Variants in HSD17B2 observed in about 807,000 individuals in gnomAD.
HSD17B2 encodes the protein 17-beta-hydroxysteroid dehydrogenase type 2.
In HSD17B2, 32 loss-of-function variants were observed where a neutral mutation model predicts 26.9. The ratio of observed to expected loss-of-function variants is 1.19; its 90% CI spans 0.90 to 1.60. The LOEUF is 1.60. Ranked by LOEUF, HSD17B2 falls within the 40% of genes most tolerant of loss-of-function variation. The pLI is 0.00. For missense variants in HSD17B2, 613 were observed against 468.6 expected, an observed-to-expected ratio of 1.31 and a Z score of -2.85; for synonymous variants, 246 against 186.7, an observed-to-expected ratio of 1.32 and a Z score of -2.59.
intron 1 of HSD17B2, among the ~76,000 whole-genome samples, chr16:82,054,645 C>T (rs1162418710): frequency 6.6e-6 from 1 of 152,168 alleles, no homozygotes; most frequent in Non-Finnish European, 1.5e-5. Flanking sequence ...GGGCTCAGCC[C>T]TGCCCTATTC....
intron 1 of HSD17B2, among the ~76,000 whole-genome samples, chr16:82,059,869 G>C (rs8191107): frequency 1.3e-5 from 2 of 152,048 alleles, no homozygotes; most frequent in Non-Finnish European, 1.5e-5. Context: ...AAGAATATGG[G>C]AGAATTCTTC....
intron 1 of HSD17B2, among the ~76,000 whole-genome samples, chr16:82,060,812 G>A (rs919615897): frequency 4.6e-5 from 7 of 152,172 alleles, no homozygotes; most frequent in Admixed American, 2.0e-4. Context: ...GGGCAAGGAC[G>A]CATAAAGCAG....
At position 82,090,995 on chromosome 16, in the gene HSD17B2, G is replaced by A. The variant is rs543111518; in HGVS notation, c.758G>A (p.Trp253Ter). The part of the protein sequence containing the change: ...SSVMRLELSK[W>*]GIKVASIQPG... ...GTTATGAGACTGGAGCTTTCCAAGT[G>A]GGGAATTAAAGTTGCTTCCATCCAA... is the stretch of plus-strand genomic sequence containing the variant. Residue 253 changes from tryptophan to a stop codon, truncating the protein, a stop_gained, in exon 4 of 5, where the codon TGG becomes TAG. Coordinates refer to ENST00000199936, the MANE Select transcript of HSD17B2 (RefSeq NM_002153.3). LOFTEE classifies it low-confidence loss of function (END_TRUNC). 4 of 1,613,994 alleles carry A rather than the reference G, an allele frequency of 2.5e-6. No individual in the cohort carries two copies. The highest frequency in any genetic ancestry group is 4.5e-5 in the East Asian group (2 of 44,874).
At chr16:82,069,879 G>C (rs1342250686) in intron 2 of HSD17B2, among the ~76,000 whole-genome samples, 1 of 152,112 alleles carries the variant, frequency 6.6e-6, no homozygotes, top group Non-Finnish European at 1.5e-5. Flanking sequence ...GAAGCACCAG[G>C]CCCTGTGTGA....
rs1485716675 is a variant in HSD17B2, at chr16:82,035,293, G to A, written c.-132G>A. The A allele has an allele frequency of 1.3e-5, 10 of 761,996 alleles. No homozygotes were observed. Among genetic ancestry groups the A allele is most frequent in the African/African-American group, 3.5e-5 (2 of 57,412 alleles). 47.2% of individuals were successfully genotyped at this position (761,996 alleles called of 1,614,324 possible). ...GATTATGCTTAATCTATGCTCAGTT[G>A]AAAGGGGCTGGGGCTGCTTTCTCCC... On this transcript the variant is annotated 5_prime_UTR_variant, in exon 1 of 5. An upstream open reading frame in the 5' UTR loses its in-frame stop. Coordinates refer to ENST00000199936, the MANE Select transcript of HSD17B2 (RefSeq NM_002153.3).
chr16:82,055,609 G>C (rs1408006420), intron 1 of HSD17B2, among the ~76,000 whole-genome samples: 1 of 152,120 alleles, frequency 6.6e-6, no homozygotes, highest in Non-Finnish European at 1.5e-5. Flanking sequence ...CCTAAGGTTG[G>C]GAAATGTAGA....
chr16:82,080,053 G>C (rs1306026621), intron 3 of HSD17B2, among the ~76,000 whole-genome samples: 6 of 152,154 alleles, frequency 3.9e-5, no homozygotes, highest in African/African-American at 1.4e-4. Context: ...TGAGTGACAA[G>C]AATTTTGGTG....
At chr16:82,061,475 G>A (rs1295537362) in intron 1 of HSD17B2, among the ~76,000 whole-genome samples, 1 of 152,096 alleles carries the variant, frequency 6.6e-6, no homozygotes, top group African/African-American at 2.4e-5. Flanking sequence ...TGACAGAGCT[G>A]GGATTTGAAC....
Position 82,090,907 on chromosome 16 carries a change from G to T in HSD17B2, c.670G>T (p.Ala224Ser), listed in dbSNP as rs1260466945. 14 of 1,610,998 alleles carry T rather than the reference G, an allele frequency of 8.7e-6. No homozygotes were observed. The highest frequency in any genetic ancestry group is 1.7e-5 in the Admixed American group (1 of 59,486). Reference sequence around the variant, plus strand: ...TTCTCCCATTATTCCCATAGGAGGGGCCCCAATGGAAAGGCTGGCATCTTA... The same window carrying T: ...TTCTCCCATTATTCCCATAGGAGGGTCCCCAATGGAAAGGCTGGCATCTTA... ...LVNVSSMGGG[A>S]PMERLASYGS... Residue 224 changes from alanine (A) to serine (S), a missense_variant, in exon 4 of 5, where the codon GCC (alanine) becomes TCC (serine). Transcript: ENST00000199936.
At chr16:82,036,872 T>A (rs1913639939) in intron 1 of HSD17B2, among the ~76,000 whole-genome samples, 1 of 152,198 alleles carries the variant, frequency 6.6e-6, no homozygotes, top group South Asian at 2.1e-4. Flanking sequence ...AAATGGCTTA[T>A]CGGTGAAATT....
At chr16:82,092,363 T>G (rs1198414592) in intron 4 of HSD17B2, 1 of 152,186 alleles carries the variant, frequency 6.6e-6, no homozygotes, top group East Asian at 1.9e-4. Context: ...AGGCTCAGTC[T>G]TCAGTTCTGG....
chr16:82,082,071 T>C (rs1167270004), intron 3 of HSD17B2, among the ~76,000 whole-genome samples: 1 of 152,188 alleles, frequency 6.6e-6, no homozygotes, highest in Non-Finnish European at 1.5e-5. Context: ...CCTTTTTCCC[T>C]GAGCTCCTTC....
In HSD17B2 at chr16:82,042,123, C is replaced by T. The variant is rs1567576458; in HGVS notation, c.265+6434C>T. Reference sequence around the variant, plus strand: ...GTTCAAGCAATTCTCCTTGCCTCAGCCTCCCGAGTAGCTGGGATTACAGGG... The same window carrying T: ...GTTCAAGCAATTCTCCTTGCCTCAGTCTCCCGAGTAGCTGGGATTACAGGG... On this transcript the variant is annotated intron_variant, in intron 1 of 4. Transcript: ENST00000199936. Among the ~76,000 whole-genome samples the T allele has an allele frequency of 2.6e-5, 4 of 152,194 alleles. No homozygotes were observed. In the South Asian group the frequency reaches 6.2e-4, roughly 24 times the overall value.
chr16:82,043,830 A>ACCC (rs1913837421), intron 1 of HSD17B2, among the ~76,000 whole-genome samples: 6 of 151,858 alleles, frequency 4.0e-5, no homozygotes, highest in Admixed American at 3.3e-4. Flanking sequence ...CAGGGAGTTG[A>ACCC]CCCCCTATTG....
At chr16:82,077,490 C>T (rs570107779) in intron 3 of HSD17B2, among the ~76,000 whole-genome samples, 45 of 152,208 alleles carry the variant, frequency 3.0e-4, no homozygotes, top group African/African-American at 1.0e-3. Flanking sequence ...TCCCAGCACA[C>T]AGGGAGGTCA....
Position 82,035,611 on chromosome 16 carries a change from G to A in HSD17B2, c.187G>A (p.Val63Met). The change falls in exon 1 of 5, where the codon GTG becomes ATG. Residue 63 changes from valine (V) to methionine (M), a missense_variant. Val to Met is a conservative substitution (Grantham distance 21, BLOSUM62 1). Coordinates refer to ENST00000199936, the MANE Select transcript of HSD17B2 (RefSeq NM_002153.3). ...SPFWGLILFS[V>M]SCFLMYTYLS... ...TTTTTGGGGCTTGATCCTCTTCTCGGTGTCATGCTTCCTCATGTATACTTA... is the reference window on the plus strand; with the variant it reads ...TTTTTGGGGCTTGATCCTCTTCTCGATGTCATGCTTCCTCATGTATACTTA... 6.2e-7 allele frequency: 1 copy of A among 1,613,922 alleles called. No homozygotes were observed.
At chr16:82,072,987 G>C (rs1175575066) in intron 3 of HSD17B2, among the ~76,000 whole-genome samples, 1 of 152,128 alleles carries the variant, frequency 6.6e-6, no homozygotes, top group Non-Finnish European at 1.5e-5. Context: ...GTTGAGCCTG[G>C]GAGGTTAAGA....
intron 2 of HSD17B2, among the ~76,000 whole-genome samples, chr16:82,070,088 A>G (rs890795389): frequency 6.6e-6 from 1 of 152,164 alleles, no homozygotes; most frequent in Non-Finnish European, 1.5e-5. Flanking sequence ...TCTATCAGAC[A>G]TCTTCCCTTA....
At chr16:82,057,163 A>C (rs1472742131) in intron 1 of HSD17B2, among the ~76,000 whole-genome samples, 1 of 152,108 alleles carries the variant, frequency 6.6e-6, no homozygotes, top group African/African-American at 2.4e-5. Context: ...ATTCCACCCT[A>C]AAGAAGGAAG....
Sources: allele counts gnomAD v4.1 joint callset (sites outside exome capture counted in the v4.1 genomes callset), GRCh38; gene constraint gnomAD v4.1.1; transcripts MANE v1.5; gene names NCBI Gene and HGNC (gene_info 2026-07-23, HGNC 2026-07-21).